The following EBF1 variants were observed in gnomAD, a reference collection of about 807,000 sequenced individuals.
The protein encoded by EBF1 is transcription factor COE1.
In EBF1, 10 loss-of-function variants were observed where a neutral mutation model predicts 68.4. The observed-to-expected ratio is 0.15, with a 90% CI of 0.09 to 0.25. EBF1 has a LOEUF of 0.25. Ranked by LOEUF, EBF1 falls within the 10% of genes least tolerant of loss-of-function variation. The pLI is 1.00. For missense variants in EBF1, 509 were observed against 794.4 expected, an observed-to-expected ratio of 0.64 and a Z score of 4.32; for synonymous variants, 298 against 299.8, an observed-to-expected ratio of 0.99 and a Z score of 0.06.
intron 6 of EBF1, among the ~76,000 whole-genome samples, chr5:158,856,297 T>C (rs1041746307): frequency 6.6e-6 from 1 of 152,180 alleles, no homozygotes; most frequent in Non-Finnish European, 1.5e-5. Flanking sequence ...TCCAAAACCA[T>C]TCCCTGAACG....
chr5:158,804,135 C>T (rs1781136757), intron 8 of EBF1, among the ~76,000 whole-genome samples: 2 of 150,842 alleles, frequency 1.3e-5, no homozygotes, highest in African/African-American at 4.9e-5. Context: ...GCAAGAATGC[C>T]CTTTGCTTTG....
intron 6 of EBF1, among the ~76,000 whole-genome samples, chr5:158,962,357 G>A (rs1818341554): frequency 6.6e-6 from 1 of 152,106 alleles, no homozygotes; most frequent in Non-Finnish European, 1.5e-5. Flanking sequence ...AAGCTGCCAA[G>A]AGGCTGGGGA....
At chr5:158,947,402 C>T (rs1296257894) in intron 6 of EBF1, among the ~76,000 whole-genome samples, 1 of 152,208 alleles carries the variant, frequency 6.6e-6, no homozygotes, top group Non-Finnish European at 1.5e-5. Context: ...ATAGCACCAT[C>T]CCTCACAGCA....
At chr5:158,940,240 C>T (rs981786795) in intron 6 of EBF1, among the ~76,000 whole-genome samples, 63 of 152,202 alleles carry the variant, frequency 4.1e-4, no homozygotes, top group African/African-American at 1.4e-3. Flanking sequence ...GACTGAACAA[C>T]TTGGAGATTG....
intron 6 of EBF1, among the ~76,000 whole-genome samples, chr5:159,020,840 G>A (rs966600806): frequency 1.3e-5 from 2 of 152,010 alleles, no homozygotes; most frequent in East Asian, 1.9e-4. Context: ...AAACTATGGG[G>A]ATAAGTAATA....
intron 6 of EBF1, among the ~76,000 whole-genome samples, chr5:158,923,231 A>G (rs1808828744): frequency 6.6e-6 from 1 of 152,212 alleles, no homozygotes. Context: ...AATGGGGGTA[A>G]AATTTTTTTA....
At chr5:158,766,996 C>T (rs1772830467) in intron 10 of EBF1, among the ~76,000 whole-genome samples, 1 of 152,136 alleles carries the variant, frequency 6.6e-6, no homozygotes, top group Non-Finnish European at 1.5e-5. Context: ...GGCAAGAATA[C>T]ATATACAGCT....
chr5:159,096,367 G>A lies in EBF1; in HGVS notation c.331C>T (p.Arg111Trp), dbSNP rs773008354. ...SEKTNNGIHY[R>W]LQLLYSNGIR... ...CCATTGCTGTAGAGAAGCTGAAGCC[G>A]GTAGTGAATTCCGTTATTGGTCTTT... The change falls in exon 3 of 16, where the codon CGG becomes TGG. Residue 111 changes from arginine to tryptophan, a missense_variant. Transcript: ENST00000313708. 1.2e-6 allele frequency: 2 copies of A among 1,613,602 alleles called. No individual in the cohort carries two copies. The highest frequency in any genetic ancestry group is 1.7e-6 in the Non-Finnish European group (2 of 1,179,858).
chr5:158,785,456 A>G (rs1561921104), intron 9 of EBF1, among the ~76,000 whole-genome samples: 1 of 152,118 alleles, frequency 6.6e-6, no homozygotes, highest in East Asian at 1.9e-4. Context: ...TCTTCTTCTG[A>G]GTTCCTTGGT....
At chr5:158,917,417 A>G (rs577575789) in intron 6 of EBF1, among the ~76,000 whole-genome samples, 12 of 152,306 alleles carry the variant, frequency 7.9e-5, no homozygotes, top group African/African-American at 2.9e-4. Context: ...TAAACCTCCA[A>G]AGTAATAACA....
At chr5:158,934,341 A>C (rs1319195548) in intron 6 of EBF1, among the ~76,000 whole-genome samples, 2 of 152,178 alleles carry the variant, frequency 1.3e-5, no homozygotes, top group Non-Finnish European at 2.9e-5. Flanking sequence ...CACTCGTACA[A>C]GAGCAATCCC....
intron 6 of EBF1, among the ~76,000 whole-genome samples, chr5:158,870,939 C>T (rs1372542920): frequency 1.3e-5 from 2 of 152,192 alleles, no homozygotes; most frequent in Non-Finnish European, 2.9e-5. Context: ...GAACTATTTA[C>T]TCTTTGTACG....
intron 6 of EBF1, among the ~76,000 whole-genome samples, chr5:158,951,067 G>A (rs576501124): frequency 6.6e-6 from 1 of 152,314 alleles, no homozygotes; most frequent in East Asian, 1.9e-4. Flanking sequence ...ATCTGACTCT[G>A]GGTTGGTCTG....
At chr5:159,067,605 T>C (rs993059800) in intron 6 of EBF1, among the ~76,000 whole-genome samples, 3 of 152,240 alleles carry the variant, frequency 2.0e-5, no homozygotes, top group Admixed American at 2.0e-4. Flanking sequence ...AGACTGCGAT[T>C]AGCTTATTGT....
rs138007031 is a variant in EBF1, at chr5:158,713,025, C to T, written c.1314G>A (p.Ser438=). ...SVHAGMMGVN[S]FSGQLAVNVS... ...CATTCACGGCCAGTTGTCCACTGAA[C>T]GAATTCACGCCCATCATCCCTGCGT... is the stretch of plus-strand genomic sequence containing the variant. Residue 438 remains serine, a synonymous_variant, in exon 13 of 16, where the codon TCG becomes TCA. Coordinates refer to ENST00000313708, the MANE Select transcript of EBF1 (RefSeq NM_024007.5). The T allele has an allele frequency of 4.5e-6, 7 of 1,570,848 alleles. No individual in the cohort carries two copies. The highest frequency in any genetic ancestry group is 4.7e-5 in the East Asian group (2 of 42,820).
chr5:159,000,610 T>C (rs538090970), intron 6 of EBF1, among the ~76,000 whole-genome samples: 1 of 152,318 alleles, frequency 6.6e-6, no homozygotes, highest in East Asian at 1.9e-4. Flanking sequence ...AAAATTCACC[T>C]TTCAAGTAAA....
chr5:158,806,963 A>G (rs1781702726), intron 8 of EBF1, among the ~76,000 whole-genome samples: 1 of 152,156 alleles, frequency 6.6e-6, no homozygotes, highest in Non-Finnish European at 1.5e-5. Flanking sequence ...TTTAATTTTC[A>G]ATTAATTAAT....
At chr5:158,941,257 C>T (rs975900222) in intron 6 of EBF1, 11 of 455,848 alleles carry the variant, frequency 2.4e-5, no homozygotes, top group Admixed American at 2.4e-4. Flanking sequence ...TAGACCCAAA[C>T]AATGCAGACT....
intron 10 of EBF1, among the ~76,000 whole-genome samples, chr5:158,775,733 T>C (rs1306997439): frequency 1.5e-5 from 2 of 135,156 alleles, no homozygotes; most frequent in African/African-American, 5.6e-5. Context: ...AGCCCCATAA[T>C]GAGACTTGTA....
Sources: gnomAD v4.1 joint callset for allele counts (sites outside exome capture counted in the v4.1 genomes callset) on GRCh38, gnomAD v4.1.1 for gene constraint, MANE v1.5 for transcripts, NCBI Gene and HGNC (gene_info 2026-07-23, HGNC 2026-07-21) for gene names.